Variants in MCC observed in about 807,000 individuals in gnomAD.
MCC encodes MCC regulator of Wnt signaling pathway, also known as colorectal mutant cancer protein.
MCC carries 90 observed loss-of-function variants against 116.2 expected under a neutral mutation model. The observed-to-expected ratio is 0.77, with a 90% CI of 0.65 to 0.92. The LOEUF is 0.92. Among genes scored for constraint, MCC ranks in the 40% least tolerant of loss-of-function variants. MCC has a pLI of 0.00. For missense variants in MCC, 1,516 were observed against 1,312.2 expected (o/e 1.16, Z -2.40); for synonymous variants, 578 against 510.5 (o/e 1.13, Z -1.78).
chr5:113,216,899 C>G (rs542849222), intron 3 of MCC, among the ~76,000 whole-genome samples: 2 of 152,252 alleles, frequency 1.3e-5, no homozygotes, highest in African/African-American at 2.4e-5. Flanking sequence ...ATTCCTCTAT[C>G]TCACAGGGTG....
In MCC at chr5:113,032,797, A is replaced by C. The variant is rs893421373; in HGVS notation, c.2757-3741T>G. 1.1e-4 allele frequency among the ~76,000 whole-genome samples: 17 copies of C among 152,212 alleles called. 1 individual carries two copies. The highest frequency in any genetic ancestry group is 2.9e-5 in the Non-Finnish European group (2 of 68,034). ...TTGCTGATAAAACATTGCAGTAAAGAAGCCAGCCAAAACAGCAAACCCAAG... is the reference window on the plus strand; with the variant it reads ...TTGCTGATAAAACATTGCAGTAAAGCAGCCAGCCAAAACAGCAAACCCAAG... On this transcript the variant is annotated intron_variant, in intron 17 of 18. Transcript: ENST00000408903.
In MCC at chr5:113,297,456, C is replaced by T. The variant is rs537153634; in HGVS notation, c.627+43063G>A. 2.6e-5 allele frequency among the ~76,000 whole-genome samples: 4 copies of T among 152,084 alleles called. No homozygotes were observed. The South Asian group carries it at 8.3e-4, about 32-fold the overall frequency. The stretch of plus-strand genomic sequence containing the variant: ...TGGCAGGTGCCTGTAATCCCAGCTA[C>T]TCGGGAGGCTGAGAAGGAGAATCGC... On this transcript the variant is annotated intron_variant, in intron 3 of 18. Coordinates refer to ENST00000408903, the MANE Select transcript of MCC (RefSeq NM_001085377.2).
intron 3 of MCC, among the ~76,000 whole-genome samples, chr5:113,272,803 T>C (rs1765665234): frequency 6.6e-6 from 1 of 152,230 alleles, no homozygotes; most frequent in East Asian, 1.9e-4. Flanking sequence ...TATGGGACAT[T>C]ACTCTGCTAT....
chr5:113,272,743 T>C (rs1255538314), intron 3 of MCC, among the ~76,000 whole-genome samples: 1 of 152,192 alleles, frequency 6.6e-6, no homozygotes, highest in Non-Finnish European at 1.5e-5. Context: ...ATACAGTAAT[T>C]ATTCTTTTAA....
At chr5:113,118,667 G>C (rs1757534194) in intron 6 of MCC, among the ~76,000 whole-genome samples, 2 of 152,218 alleles carry the variant, frequency 1.3e-5, no homozygotes, top group South Asian at 4.1e-4. Flanking sequence ...TGCAAATATA[G>C]CAACTATAAT....
intron 5 of MCC, among the ~76,000 whole-genome samples, chr5:113,130,509 T>G (rs1416595472): frequency 6.6e-6 from 1 of 152,168 alleles, no homozygotes; most frequent in African/African-American, 2.4e-5. Context: ...TATACCTTCT[T>G]GAGAGCCTGC....
intron 11 of MCC, among the ~76,000 whole-genome samples, chr5:113,075,080 G>C (rs1002469753): frequency 5.3e-5 from 8 of 152,224 alleles, no homozygotes; most frequent in African/African-American, 1.9e-4. Context: ...GCACTCGTGG[G>C]CCAGCACGAG....
chr5:113,397,028 A>G (rs2150397317), intron 1 of MCC, among the ~76,000 whole-genome samples: 1 of 152,362 alleles, frequency 6.6e-6, no homozygotes, highest in South Asian at 2.1e-4. Flanking sequence ...AAGGGAAACC[A>G]GAGAGACACT....
chr5:113,483,610 A>T (rs983467996), intron 1 of MCC, among the ~76,000 whole-genome samples: 34 of 152,226 alleles, frequency 2.2e-4, no homozygotes, highest in African/African-American at 8.2e-4. Context: ...TTTTAAAGAA[A>T]AAATATCTTT....
At chr5:113,046,263 G>A (rs1204332896) in intron 16 of MCC, among the ~76,000 whole-genome samples, 1 of 151,948 alleles carries the variant, frequency 6.6e-6, no homozygotes, top group Non-Finnish European at 1.5e-5. Context: ...CACGACCTTG[G>A]GTCACTGCAA....
chr5:113,126,261 C>G (rs1272582633), intron 5 of MCC, among the ~76,000 whole-genome samples: 7 of 152,094 alleles, frequency 4.6e-5, no homozygotes. Context: ...ATGTAATGAC[C>G]AGCAGTGGCA....
intron 3 of MCC, among the ~76,000 whole-genome samples, chr5:113,339,442 T>C (rs1767956310): frequency 6.7e-6 from 1 of 148,660 alleles, no homozygotes; most frequent in Non-Finnish European, 1.5e-5. Flanking sequence ...TGTGTGTGCG[T>C]GCATGTGTGT....
chr5:113,379,655 T>A (rs1232647716), intron 2 of MCC, among the ~76,000 whole-genome samples: 1 of 152,224 alleles, frequency 6.6e-6, no homozygotes, highest in Non-Finnish European at 1.5e-5. Flanking sequence ...GCTACAAGTA[T>A]TAAATTGTAT....
At chr5:113,281,534 C>A (rs534297363) in intron 3 of MCC, among the ~76,000 whole-genome samples, 1 of 152,234 alleles carries the variant, frequency 6.6e-6, no homozygotes, top group African/African-American at 2.4e-5. Flanking sequence ...TTACTGGGCA[C>A]AAGAGGGATT....
rs764627013 is a variant in MCC at position 113,063,987 on chromosome 5, G to T, written c.2210C>A (p.Thr737Asn). ...PWESLSSNSH[T>N]STTSSTASSC... ...AGAGCAGAAGGCTGAGCATTACCTG[G>T]TGTGGCTGTTGGAGGAAAGGCTCTC... The change falls in exon 14 of 19, where the codon ACC becomes AAC. Residue 737 changes from threonine (T) to asparagine (N), a missense_variant. Coordinates refer to ENST00000408903, the MANE Select transcript of MCC (RefSeq NM_001085377.2). The T allele has an allele frequency of 1.2e-6, 2 of 1,611,636 alleles. No individual in the cohort carries two copies. Among genetic ancestry groups the T allele is most frequent in the Admixed American group, 1.7e-5 (1 of 59,864 alleles).
chr5:113,082,148 C>T (rs1228275116), intron 11 of MCC, among the ~76,000 whole-genome samples: 1 of 152,216 alleles, frequency 6.6e-6, no homozygotes, highest in African/African-American at 2.4e-5. Context: ...TCTTTGCCAA[C>T]AGGCAAAAGG....
At chr5:113,361,439 T>A (rs1768545126) in intron 2 of MCC, among the ~76,000 whole-genome samples, 1 of 152,240 alleles carries the variant, frequency 6.6e-6, no homozygotes, top group South Asian at 2.1e-4. Flanking sequence ...GCATAAAAGC[T>A]ATCAAATTTC....
At chr5:113,356,395 A>AAT (rs976861291) in intron 2 of MCC, among the ~76,000 whole-genome samples, 5 of 148,104 alleles carry the variant, frequency 3.4e-5, no homozygotes, top group East Asian at 3.9e-4. Flanking sequence ...ATTTTATATA[A>AAT]ATATATATAT....
intron 2 of MCC, among the ~76,000 whole-genome samples, chr5:113,346,322 G>A (rs1171002335): frequency 6.6e-6 from 1 of 152,164 alleles, no homozygotes; most frequent in African/African-American, 2.4e-5. Flanking sequence ...AGGAGGTGGG[G>A]CACAGTGGCT....
Sources: gnomAD v4.1 joint callset for allele counts (sites outside exome capture counted in the v4.1 genomes callset) on GRCh38, gnomAD v4.1.1 for gene constraint, MANE v1.5 for transcripts, NCBI Gene and HGNC (gene_info 2026-07-23, HGNC 2026-07-21) for gene names.